The following SYNDIG1 variants were observed in gnomAD, a reference collection of about 807,000 sequenced individuals.
SYNDIG1 encodes the protein synapse differentiation inducing 1.
A neutral mutation model predicts 19.4 loss-of-function variants in SYNDIG1; 9 were observed. The ratio of observed to expected loss-of-function variants is 0.46; its 90% CI spans 0.28 to 0.81. SYNDIG1 has a LOEUF of 0.81. SYNDIG1 is among the 30% of genes least tolerant of loss of function. The pLI, the probability that SYNDIG1 is intolerant of heterozygous loss-of-function variation, is 0.12. For synonymous variants in SYNDIG1, 141 were observed against 145.9 expected (o/e 0.97, Z 0.24); for missense variants, 311 against 343.3 (o/e 0.91, Z 0.74).
intron 1 of SYNDIG1, among the ~76,000 whole-genome samples, chr20:24,483,224 G>A (rs149889971): frequency 0.016 from 2,387 of 152,260 alleles, 45 homozygotes; most frequent in Admixed American, 0.054. Flanking sequence ...AGTCCAAGCC[G>A]TGGGCACTCA....
chr20:24,538,967 G>A (rs183680528), intron 1 of SYNDIG1, among the ~76,000 whole-genome samples: 1 of 151,992 alleles, frequency 6.6e-6, no homozygotes, highest in Non-Finnish European at 1.5e-5. Flanking sequence ...TTGTTGTTGA[G>A]TTTTAACCAT....
chr20:24,574,052 G>A (rs749438901), intron 2 of SYNDIG1, among the ~76,000 whole-genome samples: 11 of 152,098 alleles, frequency 7.2e-5, no homozygotes, highest in African/African-American at 1.4e-4. Flanking sequence ...TGATTTCCTC[G>A]AGGTCCCAAC....
chr20:24,506,406 G>C (rs565553655), intron 1 of SYNDIG1, among the ~76,000 whole-genome samples: 1 of 152,360 alleles, frequency 6.6e-6, no homozygotes, highest in Admixed American at 6.5e-5. Context: ...TTAGGAGACA[G>C]AAATTCCCCC....
At chr20:24,602,139 A>G (rs550191421) in intron 3 of SYNDIG1, among the ~76,000 whole-genome samples, 21 of 152,200 alleles carry the variant, frequency 1.4e-4, no homozygotes, top group South Asian at 8.3e-4. Flanking sequence ...TTTATAGTCT[A>G]TGCCTGATCA....
At chr20:24,487,777 C>T (rs2146286597) in intron 1 of SYNDIG1, among the ~76,000 whole-genome samples, 1 of 152,302 alleles carries the variant, frequency 6.6e-6, no homozygotes, top group South Asian at 2.1e-4. Context: ...GCCCTTGGCA[C>T]TGTGACATTG....
At chr20:24,608,208 G>C (rs550328064) in intron 3 of SYNDIG1, among the ~76,000 whole-genome samples, 1 of 140,944 alleles carries the variant, frequency 7.1e-6, no homozygotes, top group Non-Finnish European at 1.5e-5. Context: ...TTTTTTTTGA[G>C]ACAGTCTCGC....
At chr20:24,592,672 G>A (rs116789675) in intron 3 of SYNDIG1, among the ~76,000 whole-genome samples, 46 of 152,224 alleles carry the variant, frequency 3.0e-4, no homozygotes, top group African/African-American at 9.1e-4. Context: ...TGAGTGCAGC[G>A]GCACGATCAT....
chr20:24,554,958 A>G (rs1245963127), intron 2 of SYNDIG1, among the ~76,000 whole-genome samples: 1 of 151,936 alleles, frequency 6.6e-6, no homozygotes, highest in Non-Finnish European at 1.5e-5. Flanking sequence ...TTGGTAAGCT[A>G]TTGATTATTG....
At chr20:24,574,894 A>G (rs7267732) in intron 2 of SYNDIG1, among the ~76,000 whole-genome samples, 5,910 of 152,338 alleles carry the variant, frequency 0.039, 274 homozygotes, top group African/African-American at 0.12. Context: ...GGTGCTAATC[A>G]GAAACTTCTC....
chr20:24,495,875 C>T (rs973741174), intron 1 of SYNDIG1: 8 of 152,270 alleles, frequency 5.3e-5, no homozygotes, highest in African/African-American at 1.9e-4. Context: ...TATGGAGTCT[C>T]ACTCTGTTGC....
chr20:24,657,566 AT>A (rs930660934), intron 3 of SYNDIG1, among the ~76,000 whole-genome samples: 12 of 152,136 alleles, frequency 7.9e-5, no homozygotes, highest in South Asian at 2.1e-4. Flanking sequence ...CAGAAGATTT[AT>A]TTTTTTTAAT....
At chr20:24,508,060 T>C (rs1211100654) in intron 1 of SYNDIG1, among the ~76,000 whole-genome samples, 1 of 152,028 alleles carries the variant, frequency 6.6e-6, no homozygotes, top group Non-Finnish European at 1.5e-5. Flanking sequence ...AGGTACCTAA[T>C]GTGGTCTTAA....
At chr20:24,485,286 T>C (rs1418085347) in intron 1 of SYNDIG1, among the ~76,000 whole-genome samples, 2 of 152,242 alleles carry the variant, frequency 1.3e-5, no homozygotes, top group African/African-American at 4.8e-5. Context: ...GTCATATTGT[T>C]CTTTAAAAGT....
intron 2 of SYNDIG1, among the ~76,000 whole-genome samples, chr20:24,571,274 CT>C (rs1303607959): frequency 6.6e-6 from 1 of 152,176 alleles, no homozygotes; most frequent in African/African-American, 2.4e-5. Flanking sequence ...CACAGATACA[CT>C]GGTGAAATCC....
intron 2 of SYNDIG1, among the ~76,000 whole-genome samples, chr20:24,567,780 C>G (rs1243515233): frequency 6.6e-6 from 1 of 152,232 alleles, no homozygotes; most frequent in African/African-American, 2.4e-5. Context: ...GGGCTTCCCA[C>G]TTGGCCCATG....
At chr20:24,656,801 C>T (rs2059529857) in intron 3 of SYNDIG1, among the ~76,000 whole-genome samples, 1 of 152,230 alleles carries the variant, frequency 6.6e-6, no homozygotes, top group Non-Finnish European at 1.5e-5. Flanking sequence ...CTGGCTTCTC[C>T]CTGGCCAGGG....
intron 3 of SYNDIG1, among the ~76,000 whole-genome samples, chr20:24,655,552 G>T (rs2059516429): frequency 6.6e-6 from 1 of 152,182 alleles, no homozygotes; most frequent in Non-Finnish European, 1.5e-5. Flanking sequence ...AGTTCAAAAT[G>T]TGCCTTTGGG....
At chr20:24,645,908 A>G (rs1463448113) in intron 3 of SYNDIG1, among the ~76,000 whole-genome samples, 1 of 152,206 alleles carries the variant, frequency 6.6e-6, no homozygotes, top group Admixed American at 6.5e-5. Flanking sequence ...GCCAGCTACA[A>G]CAATGGTTTG....
At chr20:24,542,983 G>A in intron 1 of SYNDIG1, 37 bp from the exon 2 acceptor site, 1 of 1,479,580 alleles carries the variant, frequency 6.8e-7, no homozygotes, top group Non-Finnish European at 9.1e-7. Flanking sequence ...TTTCAAGTGT[G>A]ATTCTCTTGT....
Sources: gnomAD v4.1 joint callset for allele counts (sites outside exome capture counted in the v4.1 genomes callset) on GRCh38, gnomAD v4.1.1 for gene constraint, MANE v1.5 for transcripts, NCBI Gene and HGNC (gene_info 2026-07-23, HGNC 2026-07-21) for gene names.